IRAK2: variants seen among roughly 807,000 people sequenced by gnomAD.
IRAK2 encodes interleukin 1 receptor associated kinase 2, also known as interleukin-1 receptor-associated kinase-like 2.
A neutral mutation model predicts 72.0 loss-of-function variants in IRAK2; 57 were observed. The ratio of observed to expected loss-of-function variants is 0.79; its 90% CI spans 0.64 to 0.99. The LOEUF is 0.99. IRAK2 is among the 50% of genes least tolerant of loss of function. The pLI, the probability that IRAK2 is intolerant of heterozygous loss-of-function variation, is 0.00. For synonymous variants in IRAK2, 293 were observed against 312.7 expected (o/e 0.94, Z 0.67); for missense variants, 790 against 794.4 (o/e 0.99, Z 0.07).
At chr3:10,188,789 G>A (rs1485540585) in intron 2 of IRAK2, among the ~76,000 whole-genome samples, 2 of 151,986 alleles carry the variant, frequency 1.3e-5, no homozygotes, top group African/African-American at 4.9e-5. Context: ...GCCTCCCAAA[G>A]TGCTGGGATT....
chr3:10,194,848 A>C (rs1697238833), intron 2 of IRAK2, among the ~76,000 whole-genome samples: 1 of 152,230 alleles, frequency 6.6e-6, no homozygotes, highest in Non-Finnish European at 1.5e-5. Flanking sequence ...GGGGTTTCAC[A>C]GGAAACCAGA....
intron 2 of IRAK2, among the ~76,000 whole-genome samples, chr3:10,199,291 A>G (rs1195944836): frequency 2.0e-5 from 3 of 152,164 alleles, no homozygotes; most frequent in Admixed American, 2.0e-4. Context: ...GTTGATGTAA[A>G]AAGGAAATGA....
intron 2 of IRAK2, among the ~76,000 whole-genome samples, chr3:10,198,861 G>C (rs745900918): frequency 6.6e-6 from 1 of 152,152 alleles, no homozygotes; most frequent in Non-Finnish European, 1.5e-5. Flanking sequence ...GTGACATCAA[G>C]CGAGTCAGCA....
chr3:10,215,963 T>C (rs542103689), intron 6 of IRAK2, among the ~76,000 whole-genome samples: 2 of 152,016 alleles, frequency 1.3e-5, no homozygotes, highest in Non-Finnish European at 2.9e-5. Flanking sequence ...CTTGGGGAGG[T>C]TTATGGTCCA....
At chr3:10,188,091 G>A (rs1222826532) in intron 2 of IRAK2, among the ~76,000 whole-genome samples, 2 of 152,144 alleles carry the variant, frequency 1.3e-5, no homozygotes, top group African/African-American at 4.8e-5. Flanking sequence ...GAGTATCCCA[G>A]CTGTGGCTCC....
chr3:10,211,626 A>G (rs1697523683), intron 4 of IRAK2, among the ~76,000 whole-genome samples: 1 of 152,060 alleles, frequency 6.6e-6, no homozygotes, highest in South Asian at 2.1e-4. Flanking sequence ...CTCAAAAAGA[A>G]ATCAAAACTA....
At chr3:10,202,615 T>C (rs1458558708) in intron 3 of IRAK2, among the ~76,000 whole-genome samples, 2 of 151,710 alleles carry the variant, frequency 1.3e-5, no homozygotes, top group Admixed American at 6.6e-5. Context: ...AGAGTGAGAC[T>C]CTGTCTCAAC....
intron 2 of IRAK2, among the ~76,000 whole-genome samples, chr3:10,181,575 G>A (rs921407728): frequency 2.0e-5 from 3 of 152,064 alleles, no homozygotes; most frequent in Non-Finnish European, 4.4e-5. Context: ...CTCCAGCCTG[G>A]GTGACAGAGC....
intron 3 of IRAK2, among the ~76,000 whole-genome samples, chr3:10,208,079 G>C (rs1697459064): frequency 6.6e-6 from 1 of 151,818 alleles, no homozygotes. Flanking sequence ...GACTAATGAG[G>C]CCGTCTGGTA....
intron 2 of IRAK2, among the ~76,000 whole-genome samples, chr3:10,186,752 C>T (rs1697080052): frequency 6.7e-6 from 1 of 148,468 alleles, no homozygotes; most frequent in Non-Finnish European, 1.5e-5. Context: ...GGATTGTTAG[C>T]TACAGGCTGG....
intron 1 of IRAK2, among the ~76,000 whole-genome samples, chr3:10,170,700 G>C (rs1238020168): frequency 6.6e-6 from 1 of 152,220 alleles, no homozygotes. Context: ...CTAGAGGGCA[G>C]GTGCCAGAAT....
chr3:10,219,872 G>A (rs575442157), intron 8 of IRAK2, 83 bp downstream of exon 8: 12 of 858,014 alleles, frequency 1.4e-5, no homozygotes, highest in Middle Eastern at 2.1e-4. Flanking sequence ...CTCCCGCTCC[G>A]CCACTCACCC....
rs1279278310 is a variant in IRAK2 at position 10,242,098 on chromosome 3, C to G, written c.1766-18C>G. The G allele has an allele frequency of 7.0e-7, 1 of 1,433,966 alleles. No homozygotes were observed. 88.8% of individuals were successfully genotyped at this position (1,433,966 alleles called of 1,614,324 possible). A position where few individuals can be genotyped will look rare whatever the true frequency, so the allele number is the denominator to read the frequency against. On this transcript the variant is annotated intron_variant, in intron 12 of 12. Coordinates refer to ENST00000256458, the MANE Select transcript of IRAK2 (RefSeq NM_001570.4). ...CTTTCATTCAAGTCGCTCTTGTTTG[C>G]TTTCTGTTGAACATCAGTTACAGAA... is the stretch of plus-strand genomic sequence containing the variant.
At chr3:10,178,920 A>G (rs750377132) in intron 2 of IRAK2, among the ~76,000 whole-genome samples, 1 of 152,092 alleles carries the variant, frequency 6.6e-6, no homozygotes, top group Admixed American at 6.6e-5. Context: ...TCCTGCCTCA[A>G]CTTCCTGAGT....
At chr3:10,167,571 T>G (rs6442157) in intron 1 of IRAK2, among the ~76,000 whole-genome samples, 4 of 151,968 alleles carry the variant, frequency 2.6e-5, no homozygotes, top group Admixed American at 6.6e-5. Context: ...CCTGCCACCA[T>G]GCCCGGCTAA....
At chr3:10,228,317 T>A (rs898474930) in intron 10 of IRAK2, among the ~76,000 whole-genome samples, 1 of 152,140 alleles carries the variant, frequency 6.6e-6, no homozygotes, top group Admixed American at 6.6e-5. Context: ...GCCTCGCTAC[T>A]CCATGCAGAA....
In IRAK2 at chr3:10,242,465, A is replaced by G; in HGVS notation, c.*237A>G. 3.5e-6 allele frequency: 1 copy of G among 287,732 alleles called. No individual in the cohort carries two copies. The highest frequency in any genetic ancestry group is 6.5e-6 in the Non-Finnish European group (1 of 153,728). 17.8% of individuals were successfully genotyped at this position (287,732 alleles called of 1,614,324 possible). A position where few individuals can be genotyped will look rare whatever the true frequency, so the allele number is the denominator to read the frequency against. ...CTTTCTGGGCTTTGTTAGTCAGAGC[A>G]GGGGATCAGAGGAGACTGAAGCAGA... On this transcript the variant is annotated 3_prime_UTR_variant, in exon 13 of 13. Coordinates refer to ENST00000256458, the MANE Select transcript of IRAK2 (RefSeq NM_001570.4).
intron 6 of IRAK2, 140 bp from the exon 7 acceptor site, chr3:10,216,794 C>T: frequency 1.5e-6 from 1 of 656,904 alleles, no homozygotes; most frequent in Admixed American, 2.3e-5. Context: ...GGGGCCAGGC[C>T]CTTAGGGGTC....
intron 2 of IRAK2, among the ~76,000 whole-genome samples, chr3:10,185,706 C>G (rs1697065719): frequency 6.6e-6 from 1 of 151,004 alleles, no homozygotes. Context: ...GAAACATCGT[C>G]TCTACTAAAA....
Sources: gnomAD v4.1 joint callset for allele counts (sites outside exome capture counted in the v4.1 genomes callset) on GRCh38, gnomAD v4.1.1 for gene constraint, MANE v1.5 for transcripts, NCBI Gene and HGNC (gene_info 2026-07-23, HGNC 2026-07-21) for gene names.